Variants in EXT1 observed in about 807,000 individuals in gnomAD.
EXT1 encodes the protein exostosin-1.
EXT1 carries 20 observed loss-of-function variants against 82.5 expected under a neutral mutation model. The observed-to-expected ratio is 0.24, with a 90% CI of 0.17 to 0.35. EXT1 has a LOEUF of 0.35. EXT1 is among the 10% of genes least tolerant of loss of function. The pLI, the probability that EXT1 is intolerant of heterozygous loss-of-function variation, is 1.00. For synonymous variants in EXT1, 348 were observed against 350.8 expected, an observed-to-expected ratio of 0.99 and a Z score of 0.09; for missense variants, 757 against 936.5, an observed-to-expected ratio of 0.81 and a Z score of 2.50.
chr8:117,874,038 G>T (rs1170960599), intron 1 of EXT1, among the ~76,000 whole-genome samples: 1 of 152,098 alleles, frequency 6.6e-6, no homozygotes, highest in Admixed American at 6.5e-5. Flanking sequence ...TTTCACTCTT[G>T]TTAGCCTCAG....
intron 1 of EXT1, among the ~76,000 whole-genome samples, chr8:118,019,804 G>A (rs967827828): frequency 2.6e-5 from 4 of 152,192 alleles, no homozygotes; most frequent in Non-Finnish European, 5.9e-5. Context: ...TACCCACTTG[G>A]TAAGTGGTGG....
At chr8:117,821,367 T>G (rs928761821) in intron 5 of EXT1, among the ~76,000 whole-genome samples, 1 of 152,202 alleles carries the variant, frequency 6.6e-6, no homozygotes, top group Non-Finnish European at 1.5e-5. Context: ...TGTCTTTAAA[T>G]TTTCCTGCAA....
chr8:117,995,874 C>T (rs1356221049), intron 1 of EXT1, among the ~76,000 whole-genome samples: 1 of 152,152 alleles, frequency 6.6e-6, no homozygotes, highest in Non-Finnish European at 1.5e-5. Context: ...CTCTAAGTAA[C>T]CTGATGCCAA....
intron 1 of EXT1, among the ~76,000 whole-genome samples, chr8:118,004,789 TGCGTTA>T (rs1232254247): frequency 7.5e-4 from 115 of 152,338 alleles, no homozygotes; most frequent in African/African-American, 2.6e-3. Flanking sequence ...ATATGCAAAC[TGCGTTA>T]TTGGTCTCCA....
At chr8:117,903,069 T>C (rs896274904) in intron 1 of EXT1, among the ~76,000 whole-genome samples, 1 of 152,218 alleles carries the variant, frequency 6.6e-6, no homozygotes, top group Non-Finnish European at 1.5e-5. Context: ...TCCATCTGTA[T>C]TTATGAAGCT....
chr8:118,104,063 G>A (rs1475348362), intron 1 of EXT1, among the ~76,000 whole-genome samples: 1 of 152,198 alleles, frequency 6.6e-6, no homozygotes, highest in Non-Finnish European at 1.5e-5. Flanking sequence ...TACCCAGGTA[G>A]GAACCCTGCC....
At chr8:117,990,185 AAAG>A (rs1815404672) in intron 1 of EXT1, among the ~76,000 whole-genome samples, 2 of 152,288 alleles carry the variant, frequency 1.3e-5, no homozygotes, top group East Asian at 1.9e-4. Flanking sequence ...AAAAAAGAGA[AAAG>A]AAGAAAAGAA....
chr8:118,042,392 C>T (rs1226618770), intron 1 of EXT1, among the ~76,000 whole-genome samples: 1 of 152,140 alleles, frequency 6.6e-6, no homozygotes, highest in Non-Finnish European at 1.5e-5. Context: ...CTCCTGATTT[C>T]AAGTGATTTT....
At chr8:117,980,090 A>G (rs1175126584) in intron 1 of EXT1, among the ~76,000 whole-genome samples, 2 of 152,198 alleles carry the variant, frequency 1.3e-5, no homozygotes, top group African/African-American at 4.8e-5. Flanking sequence ...AGAGAGGGTC[A>G]GCACTCCACA....
intron 1 of EXT1, among the ~76,000 whole-genome samples, chr8:118,106,679 G>A (rs1817807622): frequency 6.6e-6 from 1 of 152,144 alleles, no homozygotes; most frequent in Non-Finnish European, 1.5e-5. Flanking sequence ...TGAATCTAAA[G>A]TTTCACAATA....
intron 1 of EXT1, among the ~76,000 whole-genome samples, chr8:118,070,102 T>G (rs140733823): frequency 7.9e-5 from 12 of 152,258 alleles, no homozygotes; most frequent in African/African-American, 2.9e-4. Context: ...TTCAGCAAAT[T>G]TGATTTATAC....
At chr8:117,979,024 T>A (rs953901985) in intron 1 of EXT1, among the ~76,000 whole-genome samples, 2 of 152,072 alleles carry the variant, frequency 1.3e-5, no homozygotes, top group African/African-American at 4.8e-5. Flanking sequence ...TTCCAGGCCA[T>A]GGCCCCAAGA....
intron 3 of EXT1, among the ~76,000 whole-genome samples, chr8:117,831,903 A>G (rs1449821449): frequency 6.6e-6 from 1 of 152,252 alleles, no homozygotes; most frequent in Non-Finnish European, 1.5e-5. Flanking sequence ...CTGGATTTGC[A>G]ACACTGAAAA....
intron 1 of EXT1, among the ~76,000 whole-genome samples, chr8:117,841,240 G>A (rs1282008984): frequency 3.3e-5 from 5 of 152,162 alleles, no homozygotes. Context: ...CAGCAATAAA[G>A]TGGGACAAAC....
intron 4 of EXT1, among the ~76,000 whole-genome samples, chr8:117,826,047 GT>G (rs1455201813): frequency 6.6e-6 from 1 of 152,140 alleles, no homozygotes; most frequent in Non-Finnish European, 1.5e-5. Context: ...TTTTTGCAGT[GT>G]TTTTTCATTG....
At chr8:117,809,544 C>T (rs1423432474) in intron 8 of EXT1, among the ~76,000 whole-genome samples, 11 of 150,466 alleles carry the variant, frequency 7.3e-5, no homozygotes, top group East Asian at 2.0e-4. Context: ...GGCTGAGGCA[C>T]GAGAATTGCT....
chr8:117,877,222 G>T (rs1812986720), intron 1 of EXT1, among the ~76,000 whole-genome samples: 1 of 152,168 alleles, frequency 6.6e-6, no homozygotes, highest in Non-Finnish European at 1.5e-5. Context: ...AAATGGTCAG[G>T]CCTTCCCTAG....
chr8:118,102,293 A>G (rs918868394), intron 1 of EXT1, among the ~76,000 whole-genome samples: 24 of 151,862 alleles, frequency 1.6e-4, no homozygotes, highest in African/African-American at 5.8e-4. Context: ...AATAAAATAT[A>G]TGTAAGAAAA....
At chr8:118,029,352 G>A (rs1256156949) in intron 1 of EXT1, among the ~76,000 whole-genome samples, 4 of 152,170 alleles carry the variant, frequency 2.6e-5, no homozygotes, top group African/African-American at 9.7e-5. Flanking sequence ...CTTGAGCCCA[G>A]GAGTTCAAGG....
Sources: allele counts gnomAD v4.1 joint callset (sites outside exome capture counted in the v4.1 genomes callset), GRCh38; gene constraint gnomAD v4.1.1; transcripts MANE v1.5; gene names NCBI Gene and HGNC (gene_info 2026-07-23, HGNC 2026-07-21).